The following TCF24 variants were observed in gnomAD, a reference collection of about 807,000 sequenced individuals.
TCF24 encodes transcription factor 24.
A neutral mutation model predicts 9.3 loss-of-function variants in TCF24; 5 were observed. The ratio of observed to expected loss-of-function variants is 0.54; its 90% CI spans 0.28 to 1.13. The LOEUF (loss-of-function observed/expected upper bound fraction) is 1.13. Ranked by LOEUF, TCF24 falls within the 50% of genes most tolerant of loss-of-function variation. TCF24 has a pLI of 0.09. For synonymous variants in TCF24, 110 were observed against 115.8 expected (o/e 0.95, Z 0.32); for missense variants, 220 against 236.1 (o/e 0.93, Z 0.45).
chr8:66,954,695 C>T (rs1369361407), intron 3 of TCF24, among the ~76,000 whole-genome samples: 1 of 152,226 alleles, frequency 6.6e-6, no homozygotes, highest in African/African-American at 2.4e-5. Flanking sequence ...CCCCCAGCCT[C>T]GCTGCCGCCT....
intron 3 of TCF24, among the ~76,000 whole-genome samples, chr8:66,957,042 G>A (rs1814166734): frequency 6.7e-6 from 1 of 150,146 alleles, no homozygotes; most frequent in Admixed American, 6.7e-5. Context: ...CAACCCAGGA[G>A]GCGGAGGTTG....
intron 3 of TCF24, among the ~76,000 whole-genome samples, chr8:66,956,583 G>C (rs1278324299): frequency 6.6e-6 from 1 of 151,890 alleles, no homozygotes; most frequent in East Asian, 1.9e-4. Flanking sequence ...GGCTGGTCCC[G>C]AACTCCTGAC....
Position 66,948,151 on chromosome 8 carries a change from C to T in TCF24, c.404G>A (p.Arg135Gln), listed in dbSNP as rs1255131840. ...YLHPVKKWPM[R>Q]SRLYIGATGQ... Reference sequence around the variant, plus strand: ...AGTAGCACCGATGTACAATCTTGATCGCATGGGCCATTTCTGAAAAAGATT... The same window carrying T: ...AGTAGCACCGATGTACAATCTTGATTGCATGGGCCATTTCTGAAAAAGATT... The change falls in exon 4 of 4, where the codon CGA (arginine) becomes CAA (glutamine). Residue 135 changes from arginine to glutamine, a missense_variant. By Grantham distance (43) the Arg-to-Gln change is conservative. Coordinates refer to ENST00000563496, the MANE Select transcript of TCF24 (RefSeq NM_001193502.2). The T allele has an allele frequency of 3.3e-6, 5 of 1,530,064 alleles. No homozygotes were observed. Among genetic ancestry groups the T allele is most frequent in the East Asian group, 2.5e-5 (1 of 40,782 alleles). The allele number at this position is 1,530,064 out of a possible 1,614,324, so 94.8% of individuals were successfully genotyped here.
chr8:66,962,273 C>T (rs1814272924), intron 1 of TCF24, 56 bp downstream of exon 1: 1 of 152,402 alleles, frequency 6.6e-6, no homozygotes, highest in South Asian at 2.1e-4. Flanking sequence ...GGGTACGGCA[C>T]CCGCCACCGT....
intron 3 of TCF24, among the ~76,000 whole-genome samples, chr8:66,949,439 AT>A (rs1040232067): frequency 1.3e-5 from 2 of 152,072 alleles, no homozygotes; most frequent in African/African-American, 2.4e-5. Flanking sequence ...TGAACTCATC[AT>A]TTTTTATGGC....
At position 66,961,833 on chromosome 8, in the gene TCF24, T is replaced by C. The variant is rs1300239038; in HGVS notation, c.-24+44A>G. 10 of 1,047,036 alleles carry C rather than the reference T, an allele frequency of 9.6e-6. No individual in the cohort carries two copies. In the African/African-American group the frequency reaches 1.5e-4, roughly 16 times the overall value. The allele number at this position is 1,047,036 out of a possible 1,614,324, so 64.9% of individuals were successfully genotyped here. On this transcript the variant is annotated intron_variant, in intron 2 of 3. Transcript: ENST00000563496. ...CGGTGAGGCCGGGGGGCGGTCGGGC[T>C]TAACCCGAGAGGCGCAGCCCCCTGG...
At position 66,952,865 on chromosome 8, in the gene TCF24, C is replaced by T. The variant is rs1359714777; in HGVS notation, c.391-4701G>A. ...CATTATGTAATGGCCTTCTTTGTCT[C>T]TTTTGATCTTTGTTGGTTTAAAGTC... On this transcript the variant is annotated intron_variant, in intron 3 of 3. Transcript: ENST00000563496. Among the ~76,000 whole-genome samples the T allele has an allele frequency of 4.6e-4, 66 of 142,560 alleles. 1 individual carries two copies. The highest frequency in any genetic ancestry group is 1.4e-3 in the African/African-American group (53 of 38,334). The allele number at this position is 142,560 out of a possible 152,430, so 93.5% of individuals were successfully genotyped here.
In TCF24 at chr8:66,947,540, G is replaced by T. The variant is rs1007698231; in HGVS notation, c.*511C>A. The T allele has an allele frequency of 2.0e-5, 3 of 152,220 alleles. No individual in the cohort carries two copies. The highest frequency in any genetic ancestry group is 7.2e-5 in the African/African-American group (3 of 41,422). The allele number at this position is 152,220 out of a possible 1,614,324, so 9.4% of individuals were successfully genotyped here. A position where few individuals can be genotyped will look rare whatever the true frequency, so the allele number is the denominator to read the frequency against. ...TACTCCAAACAAGTTTTCTAAGAGG[G>T]AAAAGTAACTACTTATTGAATTTAT... is the stretch of plus-strand genomic sequence containing the variant. On this transcript the variant is annotated 3_prime_UTR_variant, in exon 4 of 4. Coordinates refer to ENST00000563496, the MANE Select transcript of TCF24 (RefSeq NM_001193502.2).
intron 3 of TCF24, among the ~76,000 whole-genome samples, chr8:66,951,176 C>T (rs2130897771): frequency 8.5e-6 from 1 of 117,092 alleles, no homozygotes; most frequent in South Asian, 3.2e-4. Context: ...TGCCAGTTTT[C>T]AAAGGGAATG....
At chr8:66,952,803 G>C (rs1166900926) in intron 3 of TCF24, among the ~76,000 whole-genome samples, 1 of 151,322 alleles carries the variant, frequency 6.6e-6, no homozygotes, top group Non-Finnish European at 1.5e-5. Context: ...TATATATTTA[G>C]GATAGTTAGC....
At position 66,948,073 on chromosome 8, in the gene TCF24, G is replaced by C. The variant is rs543409082; in HGVS notation, c.482C>G (p.Thr161Ser). Residue 161 changes from threonine (T) to serine (S), a missense_variant, in exon 4 of 4, where the codon ACT becomes AGT. Thr to Ser is a moderately conservative substitution (Grantham distance 58, BLOSUM62 1). Coordinates refer to ENST00000563496, the MANE Select transcript of TCF24 (RefSeq NM_001193502.2). The stretch of plus-strand genomic sequence containing the variant: ...AGCCTAAGGCTGTGAGTCTGTTGGA[G>C]TGTTGTCATGATTTGTTTTTTCTCC... Reference protein sequence around the residue: ...VSGEKTNHDNTPTDSQP With the variant: ...VSGEKTNHDNSPTDSQP The C allele has an allele frequency of 5.9e-6, 9 of 1,534,592 alleles. No individual in the cohort carries two copies. In the East Asian group the frequency reaches 1.2e-4, roughly 21 times the overall value.
intron 3 of TCF24, among the ~76,000 whole-genome samples, chr8:66,958,657 T>C (rs1293416332): frequency 1.3e-5 from 2 of 152,094 alleles, no homozygotes; most frequent in Admixed American, 1.3e-4. Context: ...AGAGACTCCA[T>C]CTCAAACAAC....
chr8:66,961,613 C>A lies in TCF24; in HGVS notation c.153G>T (p.Ala51=). 7.8e-7 allele frequency: 1 copy of A among 1,286,206 alleles called. No individual in the cohort carries two copies. Among genetic ancestry groups the A allele is most frequent in the Non-Finnish European group, 9.8e-7 (1 of 1,019,398 alleles). 79.7% of individuals were successfully genotyped at this position (1,286,206 alleles called of 1,614,324 possible). The change falls in exon 3 of 4, where the codon GCG becomes GCT. Residue 51 remains alanine (A), a synonymous_variant. Transcript: ENST00000563496. ...GGSRSGSGRP[A]AANAARERSR... ...TGCGCTCCCGCGCCGCATTCGCCGCCGCCGGCCGCCCGCTCCCGGAACGCG... is the reference window on the plus strand; with the variant it reads ...TGCGCTCCCGCGCCGCATTCGCCGCAGCCGGCCGCCCGCTCCCGGAACGCG...
chr8:66,961,247 CG>C, intron 3 of TCF24, 128 bp downstream of exon 3: 2 of 1,238,736 alleles, frequency 1.6e-6, no homozygotes, highest in Non-Finnish European at 2.1e-6. Flanking sequence ...GGGCCGAGGT[CG>C]TTCTCCCGGT....
intron 3 of TCF24, among the ~76,000 whole-genome samples, chr8:66,951,518 A>G (rs570784006): frequency 3.4e-4 from 51 of 152,112 alleles, no homozygotes; most frequent in Middle Eastern, 3.4e-3. Flanking sequence ...GGATTTTTGC[A>G]TCAATGTTCA....
chr8:66,956,959 C>T (rs1814164688), intron 3 of TCF24, among the ~76,000 whole-genome samples: 1 of 151,554 alleles, frequency 6.6e-6, no homozygotes, highest in East Asian at 1.9e-4. Context: ...AAGCCCAGCA[C>T]TTTAGGAGAC....
intron 3 of TCF24, among the ~76,000 whole-genome samples, chr8:66,952,667 G>A (rs1402489223): frequency 2.7e-5 from 4 of 147,686 alleles, no homozygotes; most frequent in Admixed American, 6.8e-5. Context: ...TTTCTGTCTC[G>A]TTGATCTGTC....
At chr8:66,961,289 G>C (rs1048691029) in intron 3 of TCF24, 87 bp downstream of exon 3, 1 of 1,323,768 alleles carries the variant, frequency 7.6e-7, no homozygotes, top group East Asian at 3.1e-5. Context: ...AAAGGAATTA[G>C]AGCATCTACC....
chr8:66,956,303 G>C (rs1253195685), intron 3 of TCF24, among the ~76,000 whole-genome samples: 1 of 151,798 alleles, frequency 6.6e-6, no homozygotes, highest in Non-Finnish European at 1.5e-5. Flanking sequence ...ATACATTCTA[G>C]GTGTATCATT....
Sources: gnomAD v4.1 joint callset for allele counts (sites outside exome capture counted in the v4.1 genomes callset) on GRCh38, gnomAD v4.1.1 for gene constraint, MANE v1.5 for transcripts, NCBI Gene and HGNC (gene_info 2026-07-23, HGNC 2026-07-21) for gene names.